VPS13D: variants seen among roughly 807,000 people sequenced by gnomAD.
VPS13D encodes the protein vacuolar protein sorting 13 homolog D.
A neutral mutation model predicts 461.9 loss-of-function variants in VPS13D; 187 were observed. The ratio of observed to expected loss-of-function variants is 0.40; its 90% confidence interval spans 0.36 to 0.46. VPS13D has a LOEUF of 0.46. VPS13D is among the 20% of genes least tolerant of loss of function. The pLI is 0.60. For missense variants in VPS13D, 4,711 were observed against 5,364.9 expected (o/e 0.88, Z 3.81); for synonymous variants, 1,951 against 1,986.3 (o/e 0.98, Z 0.47).
chr1:12,499,141 G>C (rs1032743260), intron 68 of VPS13D, among the ~76,000 whole-genome samples: 5 of 151,852 alleles, frequency 3.3e-5, no homozygotes, highest in African/African-American at 1.2e-4. Context: ...GGGGTCTAGA[G>C]ACCCCCCATC....
At chr1:12,249,836 A>T (rs1024813750) in intron 6 of VPS13D, among the ~76,000 whole-genome samples, 2 of 152,196 alleles carry the variant, frequency 1.3e-5, no homozygotes, top group Admixed American at 1.3e-4. Flanking sequence ...ATTTTCCCCC[A>T]CACGCCAAGC....
intron 1 of VPS13D, among the ~76,000 whole-genome samples, chr1:12,231,137 C>T (rs1312144259): frequency 6.6e-6 from 1 of 152,252 alleles, no homozygotes; most frequent in Non-Finnish European, 1.5e-5. Flanking sequence ...GCTGTCTGCC[C>T]GCCCGTGGGC....
chr1:12,385,298 T>C lies in VPS13D; in HGVS notation c.11409T>C (p.Tyr3803=), dbSNP rs1557748121. The change falls in exon 59 of 70, where the codon TAT becomes TAC. Residue 3803 remains tyrosine (Y), a synonymous_variant. Transcript: ENST00000620676. ...DFCHRKSSRS[Y]EVDELPVTEQ... is the part of the protein sequence containing the mutation. ...GCCACCGGAAAAGCAGCCGTTCATA[T>C]GAAGTGGATGAACTTCCTGTCACCG... 4 of 1,614,032 alleles carry C rather than the reference T, an allele frequency of 2.5e-6. No homozygotes were observed. The highest frequency in any genetic ancestry group is 4.5e-5 in the East Asian group (2 of 44,868).
At chr1:12,248,371 C>A (rs960474475) in intron 5 of VPS13D, among the ~76,000 whole-genome samples, 1 of 151,564 alleles carries the variant, frequency 6.6e-6, no homozygotes, top group Non-Finnish European at 1.5e-5. Context: ...AAGACATAAT[C>A]TCACTCCGTT....
chr1:12,266,551 A>G (rs553167558), intron 13 of VPS13D, among the ~76,000 whole-genome samples: 6 of 152,368 alleles, frequency 3.9e-5, no homozygotes, highest in African/African-American at 7.2e-5. Flanking sequence ...AAATTAAGGT[A>G]TCTATATTGT....
chr1:12,434,272 C>T (rs1208393801), intron 65 of VPS13D, among the ~76,000 whole-genome samples: 1 of 152,026 alleles, frequency 6.6e-6, no homozygotes, highest in Non-Finnish European at 1.5e-5. Context: ...TTTGACACAT[C>T]AAGGCAAAAA....
Position 12,242,609 on chromosome 1 carries a change from G to C in VPS13D, c.175+19G>C. On this transcript the variant is annotated intron_variant, in intron 3 of 69. Transcript: ENST00000620676. ...AAAGCTGGTATGTGGAACTAAAGGA[G>C]GGGGAAGAAATTTGAGTCTTAAATT... The C allele has an allele frequency of 1.9e-6, 3 of 1,608,664 alleles. No individual in the cohort carries two copies. Among genetic ancestry groups the C allele is most frequent in the Non-Finnish European group, 2.6e-6 (3 of 1,175,388 alleles).
At chr1:12,249,857 A>G (rs170956) in intron 6 of VPS13D, among the ~76,000 whole-genome samples, 1 of 152,178 alleles carries the variant, frequency 6.6e-6, no homozygotes, top group African/African-American at 2.4e-5. Flanking sequence ...AGTTCTCCAC[A>G]TATCAACTCA....
intron 5 of VPS13D, among the ~76,000 whole-genome samples, chr1:12,247,160 C>T (rs995666887): frequency 2.6e-5 from 4 of 152,076 alleles, no homozygotes; most frequent in African/African-American, 7.2e-5. Flanking sequence ...GGGCTGGGCA[C>T]GCCTGTAATC....
intron 67 of VPS13D, among the ~76,000 whole-genome samples, chr1:12,490,800 G>A (rs956195386): frequency 2.6e-5 from 4 of 151,964 alleles, no homozygotes; most frequent in Admixed American, 2.6e-4. Flanking sequence ...CGGCATGGTG[G>A]GAGCTACAGG....
At chr1:12,313,282 A>G (rs560422060) in intron 29 of VPS13D, among the ~76,000 whole-genome samples, 8 of 146,074 alleles carry the variant, frequency 5.5e-5, no homozygotes, top group Admixed American at 2.1e-4. Flanking sequence ...CTTGTGAGCT[A>G]GCAATTTTAT....
Position 12,268,869 on chromosome 1 carries a change from T to G in VPS13D, c.1965T>G (p.His655Gln). 1 of 1,601,332 alleles carries G rather than the reference T, an allele frequency of 6.2e-7. No homozygotes were observed. Among genetic ancestry groups the G allele is most frequent in the Middle Eastern group, 1.7e-4 (1 of 5,998 alleles). The change falls in exon 16 of 70, where the codon CAT becomes CAG. Residue 655 changes from histidine to glutamine, a missense_variant. His to Gln is a conservative substitution (Grantham distance 24). Around this residue, in one of 3 missense-constraint regions of VPS13D, gnomAD observed 4,411 missense variants for 4,937.8 expected, o/e 0.89. Coordinates refer to ENST00000620676, the MANE Select transcript of VPS13D (RefSeq NM_015378.4). ...ACTTTTTCTACAAGGGAAAGGTTCA[T>G]ACCTCAGGTTAACTTTTTTGTTTGT... ...VADFFYKGKVHTSGFGYQSEL... is the reference protein window; with the variant it reads ...VADFFYKGKVQTSGFGYQSEL...
intron 38 of VPS13D, 35 bp from the exon 39 acceptor site, chr1:12,335,670 T>C (rs1643432796): frequency 6.4e-7 from 1 of 1,566,908 alleles, no homozygotes; most frequent in African/African-American, 1.4e-5. Flanking sequence ...CCATCTTTTT[T>C]AGTTCTCTTA....
chr1:12,236,456 A>G (rs1406030693), intron 2 of VPS13D, among the ~76,000 whole-genome samples: 1 of 151,956 alleles, frequency 6.6e-6, no homozygotes, highest in Non-Finnish European at 1.5e-5. Flanking sequence ...TTTCACCTCA[A>G]TGCCACCTTG....
At chr1:12,371,517 A>T (rs747903317) in intron 54 of VPS13D, among the ~76,000 whole-genome samples, 15 of 150,852 alleles carry the variant, frequency 9.9e-5, no homozygotes, top group South Asian at 2.1e-4. Flanking sequence ...CAGACTCCTG[A>T]GTAGCTGGGA....
chr1:12,424,994 T>G (rs937867975), intron 65 of VPS13D, among the ~76,000 whole-genome samples: 1 of 152,226 alleles, frequency 6.6e-6, no homozygotes, highest in African/African-American at 2.4e-5. Context: ...CTGGTGACCC[T>G]TGGCATTGTG....
intron 67 of VPS13D, among the ~76,000 whole-genome samples, chr1:12,485,357 C>T (rs1645783885): frequency 6.6e-6 from 1 of 152,214 alleles, no homozygotes; most frequent in Non-Finnish European, 1.5e-5. Context: ...GGGTTGTCTG[C>T]ACGGTGGTCT....
At chr1:12,398,569 C>T (rs1377521645) in intron 60 of VPS13D, among the ~76,000 whole-genome samples, 1 of 152,060 alleles carries the variant, frequency 6.6e-6, no homozygotes, top group Admixed American at 6.5e-5. Context: ...CTTTCCTCTT[C>T]CTGGTGGTGA....
Position 12,311,599 on chromosome 1 carries a change from T to G in VPS13D, c.6796T>G (p.Tyr2266Asp). The change falls in exon 28 of 70, where the codon TAT becomes GAT. Residue 2266 changes from tyrosine to aspartate, a missense_variant. This residue lies in a region of VPS13D where 4,411 missense variants were observed against 4,937.8 expected (regional missense o/e 0.89). Coordinates refer to ENST00000620676, the MANE Select transcript of VPS13D (RefSeq NM_015378.4). ...GEPIEEFMRP[Y>D]DLQDPRIHTV... ...ACCCATAGAGGAATTTATGCGGCCTTATGATTTACAAGATCCAAGAATTCA... is the reference window on the plus strand; with the variant it reads ...ACCCATAGAGGAATTTATGCGGCCTGATGATTTACAAGATCCAAGAATTCA... 1 of 1,614,172 alleles carries G rather than the reference T, an allele frequency of 6.2e-7. No individual in the cohort carries two copies. The highest frequency in any genetic ancestry group is 8.5e-7 in the Non-Finnish European group (1 of 1,180,012).
Sources: allele counts gnomAD v4.1 joint callset (sites outside exome capture counted in the v4.1 genomes callset), GRCh38; gene constraint gnomAD v4.1.1; regional missense constraint gnomAD v4.1.1; transcripts MANE v1.5; gene names NCBI Gene and HGNC (gene_info 2026-07-23, HGNC 2026-07-21).